The following CAMK2D variants were observed in gnomAD, a reference collection of about 807,000 sequenced individuals.
CAMK2D encodes the protein calcium/calmodulin-dependent protein kinase type II subunit delta.
CAMK2D carries 37 observed loss-of-function variants against 84.0 expected under a neutral mutation model. That is an observed-to-expected ratio of 0.44 (90% CI 0.34 to 0.58). CAMK2D has a LOEUF of 0.58. CAMK2D is among the 20% of genes least tolerant of loss of function. The pLI is 0.02. For synonymous variants in CAMK2D, 202 were observed against 212.5 expected, an observed-to-expected ratio of 0.95 and a Z score of 0.43; for missense variants, 448 against 652.5, an observed-to-expected ratio of 0.69 and a Z score of 3.41.
intron 14 of CAMK2D, chr4:113,503,413 T>G: frequency 2.4e-6 from 1 of 410,508 alleles, no homozygotes; most frequent in South Asian, 2.0e-5. Flanking sequence ...TTATATTGGT[T>G]TGAAACTCGA....
At chr4:113,491,926 C>T (rs551305673) in intron 16 of CAMK2D, among the ~76,000 whole-genome samples, 54 of 152,210 alleles carry the variant, frequency 3.5e-4, no homozygotes, top group Middle Eastern at 3.4e-3. Flanking sequence ...AGTTTATTTG[C>T]GTAGAGCTGT....
Position 113,454,332 on chromosome 4 carries a change from A to C in CAMK2D, c.*213T>G. 2.4e-6 allele frequency: 1 copy of C among 423,090 alleles called. No homozygotes were observed. The highest frequency in any genetic ancestry group is 4.3e-6 in the Non-Finnish European group (1 of 230,542). The allele number at this position is 423,090 out of a possible 1,614,324, so 26.2% of individuals were successfully genotyped here. On this transcript the variant is annotated 3_prime_UTR_variant, in exon 21 of 21. Coordinates refer to ENST00000511664, the MANE Select transcript of CAMK2D (RefSeq NM_001321571.2). Reference sequence around the variant, plus strand: ...TTTGTGTGGAACATCCCCGTAGTTGAAGTGTAAACAATGTATAGGAAGGAA... The same window carrying C: ...TTTGTGTGGAACATCCCCGTAGTTGCAGTGTAAACAATGTATAGGAAGGAA...
chr4:113,647,396 T>C (rs2099156317), intron 3 of CAMK2D, among the ~76,000 whole-genome samples: 1 of 152,272 alleles, frequency 6.6e-6, no homozygotes. Flanking sequence ...CCTACTTTTT[T>C]TATGAAAAAG....
intron 4 of CAMK2D, among the ~76,000 whole-genome samples, chr4:113,554,196 T>G (rs2098648991): frequency 6.6e-6 from 1 of 152,170 alleles, no homozygotes; most frequent in African/African-American, 2.4e-5. Context: ...TAACCTAGCA[T>G]TAATACATAT....
chr4:113,732,425 G>A (rs72899860), intron 2 of CAMK2D, among the ~76,000 whole-genome samples: 4,511 of 152,126 alleles, frequency 0.03, 224 homozygotes, highest in African/African-American at 0.1. Context: ...GCCCCACCCT[G>A]CACTCCTTTT....
At chr4:113,583,884 C>A (rs543356657) in intron 4 of CAMK2D, among the ~76,000 whole-genome samples, 1 of 152,234 alleles carries the variant, frequency 6.6e-6, no homozygotes, top group East Asian at 1.9e-4. Flanking sequence ...ACTAGTGTCT[C>A]AGTGTTCAGT....
chr4:113,673,101 C>T (rs758211338), intron 2 of CAMK2D, among the ~76,000 whole-genome samples: 3 of 152,108 alleles, frequency 2.0e-5, no homozygotes, highest in Non-Finnish European at 4.4e-5. Flanking sequence ...GAGGACTACT[C>T]AGGATAGAGT....
At chr4:113,658,690 A>G (rs1472833212) in intron 3 of CAMK2D, among the ~76,000 whole-genome samples, 2 of 152,130 alleles carry the variant, frequency 1.3e-5, no homozygotes, top group Non-Finnish European at 2.9e-5. Context: ...CCTACTATAC[A>G]CCTAGAAATG....
chr4:113,556,522 G>T (rs2098665569), intron 4 of CAMK2D, among the ~76,000 whole-genome samples: 1 of 152,180 alleles, frequency 6.6e-6, no homozygotes. Flanking sequence ...GGGCTCATTA[G>T]TAGGAGTGTT....
At chr4:113,698,663 AC>A (rs2099409860) in intron 2 of CAMK2D, among the ~76,000 whole-genome samples, 1 of 151,990 alleles carries the variant, frequency 6.6e-6, no homozygotes, top group Non-Finnish European at 1.5e-5. Context: ...CTTCTTCTCC[AC>A]CCCTGGCTCC....
At chr4:113,506,854 C>A (rs2098133757) in intron 13 of CAMK2D, among the ~76,000 whole-genome samples, 1 of 152,068 alleles carries the variant, frequency 6.6e-6, no homozygotes, top group Admixed American at 6.5e-5. Context: ...CACTTGCACA[C>A]CTGTGCACAC....
intron 16 of CAMK2D, among the ~76,000 whole-genome samples, chr4:113,496,576 G>A (rs1314127937): frequency 1.3e-5 from 2 of 151,532 alleles, no homozygotes; most frequent in East Asian, 1.9e-4. Flanking sequence ...AGCCTCCCGA[G>A]TTGCTGGGAT....
chr4:113,582,269 G>A (rs1453818067), intron 4 of CAMK2D, among the ~76,000 whole-genome samples: 1 of 152,170 alleles, frequency 6.6e-6, no homozygotes, highest in East Asian at 1.9e-4. Flanking sequence ...CCATGAATAG[G>A]ATAGGGGTAG....
intron 1 of CAMK2D, among the ~76,000 whole-genome samples, chr4:113,760,591 C>T (rs1197050391): frequency 2.0e-5 from 3 of 152,188 alleles, no homozygotes; most frequent in African/African-American, 7.2e-5. Context: ...GCCGGCTAAC[C>T]AGGAGGCATC....
chr4:113,641,847 C>T (rs540883542), intron 3 of CAMK2D, among the ~76,000 whole-genome samples: 100 of 151,550 alleles, frequency 6.6e-4, no homozygotes, highest in African/African-American at 2.3e-3. Context: ...GTGTCTCTAC[C>T]AAAAATACAA....
chr4:113,603,138 T>C (rs972251640), intron 4 of CAMK2D, among the ~76,000 whole-genome samples: 9 of 152,270 alleles, frequency 5.9e-5, no homozygotes, highest in African/African-American at 2.2e-4. Context: ...GCACAAACCC[T>C]GGAAAGGATT....
At chr4:113,646,348 C>T (rs2099151992) in intron 3 of CAMK2D, among the ~76,000 whole-genome samples, 1 of 152,162 alleles carries the variant, frequency 6.6e-6, no homozygotes, top group Non-Finnish European at 1.5e-5. Context: ...AAGAAAAGTC[C>T]ATGCCCTCAT....
intron 3 of CAMK2D, among the ~76,000 whole-genome samples, chr4:113,618,771 A>T (rs1186824937): frequency 1.3e-5 from 2 of 152,188 alleles, no homozygotes; most frequent in African/African-American, 4.8e-5. Flanking sequence ...TGGGAAAAAC[A>T]TGGGAGTTAT....
chr4:113,454,521 A>G lies in CAMK2D; in HGVS notation c.*30-6T>C. The G allele has an allele frequency of 3.9e-6, 3 of 778,936 alleles. No individual in the cohort carries two copies. Among genetic ancestry groups the G allele is most frequent in the Non-Finnish European group, 4.8e-6 (2 of 416,722 alleles). 48.3% of individuals were successfully genotyped at this position (778,936 alleles called of 1,614,324 possible). A position where few individuals can be genotyped will look rare whatever the true frequency, so the allele number is the denominator to read the frequency against. On this transcript the variant is annotated splice_polypyrimidine_tract_variant and splice_region_variant and intron_variant, in intron 20 of 20. Transcript: ENST00000511664. Reference sequence around the variant, plus strand: ...GTGGCACTGTTGAAATTTAGCTGAAAGGAGAAAGGGGGAGGAAGAAATAAA... The same window carrying G: ...GTGGCACTGTTGAAATTTAGCTGAAGGGAGAAAGGGGGAGGAAGAAATAAA...
Sources: allele counts gnomAD v4.1 joint callset (sites outside exome capture counted in the v4.1 genomes callset), GRCh38; gene constraint gnomAD v4.1.1; transcripts MANE v1.5; gene names NCBI Gene and HGNC (gene_info 2026-07-23, HGNC 2026-07-21).